Variants in MERTK observed in about 807,000 individuals in gnomAD.
The protein encoded by MERTK is tyrosine-protein kinase Mer.
In MERTK, 69 loss-of-function variants were observed where a neutral mutation model predicts 99.3. That is an observed-to-expected ratio of 0.70 (90% CI 0.57 to 0.85). The LOEUF (loss-of-function observed/expected upper bound fraction) is 0.85, where lower values mean the gene tolerates loss of function less well. Ranked by LOEUF, MERTK falls within the 40% of genes least tolerant of loss-of-function variation. The probability of loss-of-function intolerance (pLI) is 0.00; values close to 1 mark genes in which losing one functional copy is unlikely to be tolerated. For missense variants in MERTK, 1,125 were observed against 1,249.4 expected (o/e 0.90, Z 1.50); for synonymous variants, 426 against 467.6 (o/e 0.91, Z 1.15).
intron 12 of MERTK, chr2:112,003,470 T>C (rs1676911242): frequency 2.9e-6 from 1 of 344,910 alleles, no homozygotes; most frequent in Non-Finnish European, 5.4e-6. Context: ...GTTTCCTATG[T>C]ACTTTAAGTT....
chr2:112,005,448 G>A (rs34875611), intron 13 of MERTK, among the ~76,000 whole-genome samples: 35,348 of 152,160 alleles, frequency 0.23, 4,407 homozygotes, highest in Middle Eastern at 0.36. Flanking sequence ...GGGGCAGGTT[G>A]TGCTGGGCTT....
intron 6 of MERTK, among the ~76,000 whole-genome samples, chr2:111,972,962 A>C (rs934873893): frequency 1.3e-5 from 2 of 152,210 alleles, no homozygotes; most frequent in African/African-American, 4.8e-5. Flanking sequence ...ACTCGGGACC[A>C]AATGAATGTT....
chr2:111,935,433 G>T (rs34087685), intron 2 of MERTK, among the ~76,000 whole-genome samples: 3 of 151,598 alleles, frequency 2.0e-5, no homozygotes, highest in East Asian at 1.9e-4. Flanking sequence ...CACCAGGACT[G>T]GGGGAGGTAC....
chr2:111,960,480 C>CAAA (rs61179378), intron 4 of MERTK, among the ~76,000 whole-genome samples: 12 of 75,890 alleles, frequency 1.6e-4, no homozygotes, highest in Non-Finnish European at 2.6e-4. Context: ...GTCTCAGTCT[C>CAAA]AAAAAAAAAA....
chr2:111,988,344 G>A (rs1029320360), intron 8 of MERTK, among the ~76,000 whole-genome samples: 3 of 152,180 alleles, frequency 2.0e-5, no homozygotes, highest in African/African-American at 7.2e-5. Context: ...GAAACCCAGG[G>A]ATTGATCAAA....
At chr2:112,020,487 CCTT>C (rs1261277906) in intron 16 of MERTK, 1 of 435,080 alleles carries the variant, frequency 2.3e-6, no homozygotes, top group East Asian at 7.1e-5. Flanking sequence ...TATTTCTTCT[CCTT>C]CTCTTCCTTT....
intron 1 of MERTK, among the ~76,000 whole-genome samples, chr2:111,903,769 C>T (rs1394223469): frequency 6.6e-6 from 1 of 152,170 alleles, no homozygotes; most frequent in East Asian, 1.9e-4. Context: ...ACCTCTGTTC[C>T]TTTTTGGGTA....
chr2:112,026,284 T>C (rs760098902), intron 18 of MERTK: 32 of 152,310 alleles, frequency 2.1e-4, no homozygotes, highest in Admixed American at 9.2e-4. Flanking sequence ...GGAAAAGAAG[T>C]TTCAAAGTGA....
intron 1 of MERTK, among the ~76,000 whole-genome samples, chr2:111,928,087 T>C (rs1159496100): frequency 6.6e-6 from 1 of 152,198 alleles, no homozygotes; most frequent in South Asian, 2.1e-4. Context: ...TAAAAACATT[T>C]CCAGGTTTAT....
At chr2:111,981,126 CTGGAA>C (rs1268744437) in intron 7 of MERTK, among the ~76,000 whole-genome samples, 1 of 152,108 alleles carries the variant, frequency 6.6e-6, no homozygotes, top group Non-Finnish European at 1.5e-5. Flanking sequence ...ATTACTGTTT[CTGGAA>C]TCAGCAGAGA....
chr2:112,014,659 A>G (rs1223494313), intron 15 of MERTK, among the ~76,000 whole-genome samples: 1 of 151,486 alleles, frequency 6.6e-6, no homozygotes, highest in Non-Finnish European at 1.5e-5. Flanking sequence ...TTTTTGAGAC[A>G]GAGTCTCACT....
intron 2 of MERTK, among the ~76,000 whole-genome samples, chr2:111,936,755 A>G (rs549847521): frequency 4.6e-5 from 7 of 152,288 alleles, no homozygotes; most frequent in Middle Eastern, 3.4e-3. Context: ...CCTGTATCCA[A>G]TATCAGCTCG....
intron 1 of MERTK, 27 bp from the exon 2 acceptor site, chr2:111,929,093 C>G (rs1222367888): frequency 1.3e-5 from 21 of 1,613,864 alleles, no homozygotes; most frequent in Admixed American, 6.7e-5. Flanking sequence ...ATTTAAAAGG[C>G]TAAAATTTGG....
intron 6 of MERTK, among the ~76,000 whole-genome samples, chr2:111,970,859 T>C (rs1042885255): frequency 1.4e-5 from 2 of 139,926 alleles, no homozygotes; most frequent in Non-Finnish European, 3.1e-5. Flanking sequence ...TCCTCCTCCT[T>C]CTCCTCCTTC....
chr2:112,011,284 C>A (rs1454479677), intron 15 of MERTK, among the ~76,000 whole-genome samples: 1 of 152,180 alleles, frequency 6.6e-6, no homozygotes, highest in African/African-American at 2.4e-5. Context: ...CTCCCACTGG[C>A]TCTGCAGACA....
chr2:111,956,712 T>G (rs756814862), intron 4 of MERTK, among the ~76,000 whole-genome samples: 10 of 152,144 alleles, frequency 6.6e-5, no homozygotes, highest in Admixed American at 3.3e-4. Flanking sequence ...CAGGCTGATG[T>G]GCAGTGGCGT....
intron 2 of MERTK, 85 bp from the exon 3 acceptor site, chr2:111,944,875 A>T: frequency 8.8e-7 from 1 of 1,134,176 alleles, no homozygotes; most frequent in Admixed American, 1.8e-5. Flanking sequence ...ACAGCATATG[A>T]CAAAGAAGTT....
chr2:112,001,131 CT>C, intron 10 of MERTK, 69 bp from the exon 11 acceptor site: 1 of 1,191,422 alleles, frequency 8.4e-7, no homozygotes, highest in Non-Finnish European at 1.3e-6. Context: ...CTGTAGCATC[CT>C]TGTGGAATCA....
intron 18 of MERTK, among the ~76,000 whole-genome samples, chr2:112,026,501 C>G (rs1198935696): frequency 6.6e-6 from 1 of 152,182 alleles, no homozygotes; most frequent in Non-Finnish European, 1.5e-5. Context: ...TGCAAATTGA[C>G]TTACGCCTGA....
Sources: allele counts gnomAD v4.1 joint callset (sites outside exome capture counted in the v4.1 genomes callset), GRCh38; gene constraint gnomAD v4.1.1; transcripts MANE v1.5; gene names NCBI Gene and HGNC (gene_info 2026-07-23, HGNC 2026-07-21).